NLRP13: variants seen among roughly 807,000 people sequenced by gnomAD.
The protein encoded by NLRP13 is NACHT, LRR and PYD domains-containing protein 13.
A neutral mutation model predicts 94.4 loss-of-function variants in NLRP13; 82 were observed. The observed-to-expected ratio is 0.87, with a 90% confidence interval of 0.73 to 1.04. The LOEUF is 1.04. NLRP13 is among the 50% of genes least tolerant of loss of function. The probability of loss-of-function intolerance (pLI) is 0.00; values close to 1 mark genes in which losing one functional copy is unlikely to be tolerated. For synonymous variants in NLRP13, 553 were observed against 464.7 expected, an observed-to-expected ratio of 1.19 and a Z score of -2.45; for missense variants, 1,426 against 1,230.8, an observed-to-expected ratio of 1.16 and a Z score of -2.37.
intron 4 of NLRP13, among the ~76,000 whole-genome samples, chr19:55,914,000 C>A (rs1036141992): frequency 1.3e-5 from 2 of 152,318 alleles, no homozygotes; most frequent in African/African-American, 4.8e-5. Flanking sequence ...AGAAGGCTGA[C>A]CCGACTCGAC....
In NLRP13 at chr19:55,925,266, T is replaced by TCC. The variant is rs569439485; in HGVS notation, c.320-233_320-232dup. 2.1e-3 allele frequency among the ~76,000 whole-genome samples: 327 copies of TCC among 152,320 alleles called. 2 individuals are homozygous for TCC. The highest frequency in any genetic ancestry group is 7.2e-3 in the African/African-American group (298 of 41,574). Reference sequence around the variant, plus strand: ...TGCCTCAGGGCCTTGGCTCCAGCCCTCCCCGCTGCCTGGATTCCCAGACAT... The same window carrying TCC: ...TGCCTCAGGGCCTTGGCTCCAGCCCTCCCCCCGCTGCCTGGATTCCCAGACAT... On this transcript the variant is annotated intron_variant, in intron 1 of 10. Transcript: ENST00000342929.
downstream of NLRP13, chr19:55,895,829 T>C: frequency 1.7e-6 from 2 of 1,148,352 alleles, no homozygotes; most frequent in Non-Finnish European, 2.5e-6. Flanking sequence ...GGAAGTTCCG[T>C]TGGCCTGCAT....
At chr19:55,931,181 C>T (rs939187214) in intron 1 of NLRP13, among the ~76,000 whole-genome samples, 6 of 151,920 alleles carry the variant, frequency 3.9e-5, no homozygotes, top group African/African-American at 7.3e-5. Context: ...GGGCAAGGCT[C>T]GTACTGAGGA....
Position 55,932,027 on chromosome 19 carries a change from G to A in NLRP13, c.285C>T (p.Thr95=), listed in dbSNP as rs756277962. The A allele has an allele frequency of 3.1e-6, 5 of 1,613,916 alleles. No individual in the cohort carries two copies. Among genetic ancestry groups the A allele is most frequent in the Middle Eastern group, 1.7e-4 (1 of 5,944 alleles). The change falls in exon 1 of 11, where the codon ACC becomes ACT. Residue 95 remains threonine, a synonymous_variant. Coordinates refer to ENST00000342929, the MANE Select transcript of NLRP13 (RefSeq NM_176810.2). The stretch of plus-strand genomic sequence containing the variant: ...CGGCTCTAACTTTCTCACACAGTGA[G>A]GTCAGATTCATTGTCTGGAAGATGC... ...VLGIFQTMNL[T]SLCEKVRAEM...
Position 55,911,907 on chromosome 19 carries a change from C to A in NLRP13, c.1910G>T (p.Arg637Leu). The change falls in exon 5 of 11, where the codon CGA becomes CTA. Residue 637 changes from arginine to leucine, a missense_variant. Arg to Leu is a moderately radical substitution (Grantham distance 102). Transcript: ENST00000342929. ...GGACTCGTGTAGGCAGTGAAAAAGTCGTAGAATGTGAAATTGGAGAGAGGC... is the reference window on the plus strand; with the variant it reads ...GGACTCGTGTAGGCAGTGAAAAAGTAGTAGAATGTGAAATTGGAGAGAGGC... Reference protein sequence around the residue: ...ESASLQFHILRLFHCLHESQE... With the variant: ...ESASLQFHILLLFHCLHESQE... 2 of 1,614,124 alleles carry A rather than the reference C, an allele frequency of 1.2e-6. No individual in the cohort carries two copies. Among genetic ancestry groups the A allele is most frequent in the Non-Finnish European group, 1.7e-6 (2 of 1,179,974 alleles).
At position 55,896,098 on chromosome 19, in the gene NLRP13, T is replaced by C; in HGVS notation, c.2979A>G (p.Thr993=). Residue 993 remains threonine, a synonymous_variant, in exon 11 of 11, where the codon ACA becomes ACG. Coordinates refer to ENST00000342929, the MANE Select transcript of NLRP13 (RefSeq NM_176810.2). Reference sequence around the variant, plus strand: ...AGAAGAGATGCTGGCAGCAAGCAGTTGTCAGATTGCATTTCGCCAACCTAG... The same window carrying C: ...AGAAGAGATGCTGGCAGCAAGCAGTCGTCAGATTGCATTTCGCCAACCTAG... ...HTLGLAKCNL[T]TACCQHLFSV... is the part of the protein sequence containing the mutation. The C allele has an allele frequency of 6.2e-7, 1 of 1,614,116 alleles. No individual in the cohort carries two copies. The highest frequency in any genetic ancestry group is 8.5e-7 in the Non-Finnish European group (1 of 1,179,994).
chr19:55,919,113 A>T (rs1986746461), intron 4 of NLRP13, among the ~76,000 whole-genome samples: 1 of 152,202 alleles, frequency 6.6e-6, no homozygotes, highest in African/African-American at 2.4e-5. Flanking sequence ...AGAATTAAAA[A>T]CAAAAACTAT....
Position 55,911,023 on chromosome 19 carries a change from A to C in NLRP13, c.2112-290T>G, listed in dbSNP as rs199476253. 1.3e-5 allele frequency among the ~76,000 whole-genome samples: 2 copies of C among 152,164 alleles called. No homozygotes were observed. Among genetic ancestry groups the C allele is most frequent in the African/African-American group, 4.8e-5 (2 of 41,510 alleles). On this transcript the variant is annotated intron_variant, in intron 5 of 10. Coordinates refer to ENST00000342929, the MANE Select transcript of NLRP13 (RefSeq NM_176810.2). ...GCTACTCAGGAGGCTGAGGCAGGAG[A>C]ATAGCTTCAACCTGGGAACCTACAT...
intron 4 of NLRP13, among the ~76,000 whole-genome samples, chr19:55,919,461 A>T (rs1053340160): frequency 2.0e-5 from 3 of 151,806 alleles, no homozygotes; most frequent in Non-Finnish European, 4.4e-5. Flanking sequence ...TATCTAGAAA[A>T]CTCTAAAGAC....
chr19:55,904,294 G>T (rs1986273882), intron 8 of NLRP13, among the ~76,000 whole-genome samples: 1 of 152,038 alleles, frequency 6.6e-6, no homozygotes, highest in Non-Finnish European at 1.5e-5. Flanking sequence ...TTGCCATGTT[G>T]GTCAGGCTGG....
downstream of NLRP13, chr19:55,891,912 G>C: frequency 2.5e-6 from 1 of 400,012 alleles, no homozygotes; most frequent in Non-Finnish European, 4.4e-6. Context: ...CCCACAAATG[G>C]TGACATTGGA....
rs1015880939 is a variant in NLRP13, at chr19:55,913,092, G to A, written c.725C>T (p.Thr242Ile). The change falls in exon 5 of 11, where the codon ACC (threonine) becomes ATC (isoleucine). Residue 242 changes from threonine to isoleucine, a missense_variant. By Grantham distance (89) the Thr-to-Ile change is moderately conservative. Transcript: ENST00000342929. ...CAGCATAGCCTGCATTGCCAAGGTG[G>A]TCTTCCCAACCCCTGCCCTCCCCAC... ...VLVGRAGVGK[T>I]TLAMQAMLHW... 3.1e-6 allele frequency: 5 copies of A among 1,614,002 alleles called. No homozygotes were observed. Among genetic ancestry groups the A allele is most frequent in the Non-Finnish European group, 4.2e-6 (5 of 1,180,030 alleles).
chr19:55,895,861 A>G (rs1206411371), downstream of NLRP13: 1 of 1,476,382 alleles, frequency 6.8e-7, no homozygotes, highest in African/African-American at 1.4e-5. Context: ...GCCGAGTGCA[A>G]TGGAAACCTG....
intron 1 of NLRP13, among the ~76,000 whole-genome samples, chr19:55,928,502 A>G (rs1021952306): frequency 2.6e-5 from 4 of 152,136 alleles, no homozygotes; most frequent in Non-Finnish European, 4.4e-5. Context: ...CTATTACCCA[A>G]TGCATGCCAG....
chr19:55,898,050 C>T lies in NLRP13; in HGVS notation c.2957+720G>A, dbSNP rs113276587. Among the ~76,000 whole-genome samples the T allele has an allele frequency of 4.6e-5, 7 of 152,244 alleles. No homozygotes were observed. The South Asian group carries it at 6.2e-4, about 14-fold the overall frequency. ...AAGATTCACAGTGGGGAGCAGGCTG[C>T]GCTCCCCTCAACTTCCCAGCACCTG... On this transcript the variant is annotated intron_variant, in intron 10 of 10. Coordinates refer to ENST00000342929, the MANE Select transcript of NLRP13 (RefSeq NM_176810.2).
chr19:55,916,932 T>C (rs1357233586), intron 4 of NLRP13, among the ~76,000 whole-genome samples: 1 of 152,024 alleles, frequency 6.6e-6, no homozygotes, highest in Non-Finnish European at 1.5e-5. Flanking sequence ...CTAAGTTTAA[T>C]GTGAAGGAAA....
intron 1 of NLRP13, among the ~76,000 whole-genome samples, chr19:55,930,898 A>ACACGTATATATAT: frequency 2.9e-5 from 3 of 104,880 alleles, no homozygotes; most frequent in East Asian, 3.9e-4. Flanking sequence ...ATATATATAT[A>ACACGTATATATAT]AAATTTTAAC....
chr19:55,920,344 G>A (rs1986787136), intron 4 of NLRP13, among the ~76,000 whole-genome samples: 1 of 152,020 alleles, frequency 6.6e-6, no homozygotes, highest in Non-Finnish European at 1.5e-5. Context: ...TAATTAAGAA[G>A]TTTCTACACA....
chr19:55,931,630 A>G (rs922724403), intron 1 of NLRP13, among the ~76,000 whole-genome samples: 1 of 149,808 alleles, frequency 6.7e-6, no homozygotes, highest in African/African-American at 2.5e-5. Flanking sequence ...AATCGCTTCA[A>G]CCTGGGAGGC....
Sources: gnomAD v4.1 joint callset for allele counts (sites outside exome capture counted in the v4.1 genomes callset) on GRCh38, gnomAD v4.1.1 for gene constraint, MANE v1.5 for transcripts, NCBI Gene and HGNC (gene_info 2026-07-23, HGNC 2026-07-21) for gene names.